CAMKK2: variants seen among roughly 807,000 people sequenced by gnomAD.
CAMKK2 encodes calcium/calmodulin dependent protein kinase kinase 2.
In CAMKK2, 30 loss-of-function variants were observed where a neutral mutation model predicts 67.2. The observed-to-expected ratio is 0.45, with a 90% CI of 0.33 to 0.61. The LOEUF (loss-of-function observed/expected upper bound fraction) is 0.61. CAMKK2 is among the 20% of genes least tolerant of loss of function. The pLI, the probability that CAMKK2 is intolerant of heterozygous loss-of-function variation, is 0.02. For synonymous variants in CAMKK2, 322 were observed against 326.2 expected (o/e 0.99, Z 0.14); for missense variants, 643 against 802.0 (o/e 0.80, Z 2.39).
chr12:121,249,059 T>C (rs972612280), intron 13 of CAMKK2, among the ~76,000 whole-genome samples: 1 of 152,238 alleles, frequency 6.6e-6, no homozygotes, highest in African/African-American at 2.4e-5. Context: ...CCACAATCCC[T>C]GACACCTGGG....
intron 1 of CAMKK2, among the ~76,000 whole-genome samples, chr12:121,291,351 C>T (rs1899984756): frequency 6.6e-6 from 1 of 152,170 alleles, no homozygotes; most frequent in South Asian, 2.1e-4. Context: ...CTTAAGACGC[C>T]TTTATGGTGG....
chr12:121,275,679 T>A (rs975214633), intron 1 of CAMKK2, among the ~76,000 whole-genome samples: 1 of 151,884 alleles, frequency 6.6e-6, no homozygotes, highest in Admixed American at 6.6e-5. Context: ...TGCCTAGGAC[T>A]ATGGGGGTGG....
intron 5 of CAMKK2, among the ~76,000 whole-genome samples, chr12:121,267,402 G>A (rs1288272210): frequency 7.3e-5 from 11 of 151,640 alleles, no homozygotes; most frequent in East Asian, 1.9e-4. Flanking sequence ...ATGAGCCACC[G>A]TGCCCTGCTA....
chr12:121,275,598 T>C lies in CAMKK2; in HGVS notation c.-59-1013A>G, dbSNP rs572776451. ...AGGAAGCCAGTCACAAAAGGTCACA[T>C]ATATATGATTCTATTTATATGAAAT... On this transcript the variant is annotated intron_variant, in intron 1 of 16. Coordinates refer to ENST00000404169, the MANE Select transcript of CAMKK2 (RefSeq NM_001270485.2). 2.7e-5 allele frequency among the ~76,000 whole-genome samples: 4 copies of C among 150,868 alleles called. No homozygotes were observed. The South Asian group carries it at 8.4e-4, about 32-fold the overall frequency.
Position 121,274,105 on chromosome 12 carries a change from G to A in CAMKK2, c.422C>T (p.Pro141Leu), listed in dbSNP as rs770406690. 8.4e-6 allele frequency: 13 copies of A among 1,538,992 alleles called. No individual in the cohort carries two copies. Among genetic ancestry groups the A allele is most frequent in the African/African-American group, 2.7e-5 (2 of 72,886 alleles). The stretch of plus-strand genomic sequence containing the variant: ...GTGAGACTCCACTGTCGGCCGCCGG[G>A]GCAGCCGAGGCGAGGACTGCGGGGA... Reference protein sequence around the residue: ...VSSPQSSPRLPRRPTVESHHV... With the variant: ...VSSPQSSPRLLRRPTVESHHV... Residue 141 changes from proline (P) to leucine (L), a missense_variant, in exon 2 of 17, where the codon CCC becomes CTC. Coordinates refer to ENST00000404169, the MANE Select transcript of CAMKK2 (RefSeq NM_001270485.2).
chr12:121,249,878 G>T lies in CAMKK2; in HGVS notation c.1236-4C>A, dbSNP rs763341477. 6.2e-7 allele frequency: 1 copy of T among 1,613,954 alleles called. No individual in the cohort carries two copies. Among genetic ancestry groups the T allele is most frequent in the Non-Finnish European group, 8.5e-7 (1 of 1,179,790 alleles). On this transcript the variant is annotated splice_region_variant and splice_polypyrimidine_tract_variant and intron_variant, in intron 12 of 16. Transcript: ENST00000404169. ...CAAGTCCTCAGCTATGTCGGGCCTG[G>T]GGATGGAGAGGCGTCAGGGTGGCAG...
chr12:121,240,854 T>G lies in CAMKK2; in HGVS notation c.1612A>C (p.Arg538=). The G allele has an allele frequency of 4.3e-6, 7 of 1,612,524 alleles. No individual in the cohort carries two copies. Among genetic ancestry groups the G allele is most frequent in the Non-Finnish European group, 5.9e-6 (7 of 1,179,930 alleles). ...GCGGGTCGGTGCCCTGGAGGTTGTC[T>G]TCGCTGCCTTGCTTCCTGCTCACCG... ...LSELKEARQR[R]QPPGHRPAPR... The change falls in exon 17 of 17, where the codon AGA becomes CGA. Residue 538 remains arginine, a synonymous_variant. Coordinates refer to ENST00000404169, the MANE Select transcript of CAMKK2 (RefSeq NM_001270485.2). The surrounding 1 kb of genome is among the most constrained non-coding windows in gnomAD (Gnocchi z 4.4).
intron 5 of CAMKK2, among the ~76,000 whole-genome samples, chr12:121,265,602 C>T (rs567788960): frequency 6.6e-6 from 1 of 152,260 alleles, no homozygotes; most frequent in African/African-American, 2.4e-5. Context: ...GGCGCAGTGG[C>T]TCAGGCCTGT....
rs142249805 is a variant in CAMKK2 at position 121,266,560 on chromosome 12, G to A, written c.625+2078C>T. ...CGCCTAGGCTGGAGTGCAGTGGCGCGATCTCGGCTCAGTGTAACCTCTGCT... is the reference window on the plus strand; with the variant it reads ...CGCCTAGGCTGGAGTGCAGTGGCGCAATCTCGGCTCAGTGTAACCTCTGCT... On this transcript the variant is annotated intron_variant, in intron 5 of 16. Coordinates refer to ENST00000404169, the MANE Select transcript of CAMKK2 (RefSeq NM_001270485.2). 5.0e-3 allele frequency among the ~76,000 whole-genome samples: 752 copies of A among 150,200 alleles called. 28 individuals carry two copies. The East Asian group carries it at 0.07, about 14-fold the overall frequency.
At chr12:121,268,725 TC>T (rs2136381254) in intron 4 of CAMKK2, 36 bp from the exon 5 acceptor site, 1 of 1,605,546 alleles carries the variant, frequency 6.2e-7, no homozygotes, top group East Asian at 2.2e-5. Context: ...TTTAGCCAGG[TC>T]CTGTTTAAAG....
rs200086514 is a variant in CAMKK2 at position 121,240,208 on chromosome 12, C to G, written c.*491G>C. On this transcript the variant is annotated 3_prime_UTR_variant, in exon 17 of 17. Coordinates refer to ENST00000404169, the MANE Select transcript of CAMKK2 (RefSeq NM_001270485.2). The surrounding 1 kb of genome is among the most constrained non-coding windows in gnomAD (Gnocchi z 4.4). ...GCCCTGCTCTGACTCCTTGAGACCA[C>G]GGCTCTGGAAGGTGCCATGGTTTCC... is the stretch of plus-strand genomic sequence containing the variant. The G allele has an allele frequency of 3.5e-6, 2 of 568,844 alleles. No individual in the cohort carries two copies. Among genetic ancestry groups the G allele is most frequent in the East Asian group, 3.0e-5 (1 of 33,758 alleles). 35.2% of individuals were successfully genotyped at this position (568,844 alleles called of 1,614,324 possible).
chr12:121,288,306 G>GA (rs1566141928), intron 1 of CAMKK2, among the ~76,000 whole-genome samples: 1 of 152,166 alleles, frequency 6.6e-6, no homozygotes, highest in South Asian at 2.1e-4. Flanking sequence ...ATCGGTGCCT[G>GA]GGCTACCCAC....
rs2136708259 is a variant in CAMKK2 at position 121,296,657 on chromosome 12, C to T, written c.-79G>A. The T allele has an allele frequency of 6.6e-6, 1 of 151,064 alleles. No homozygotes were observed. Among genetic ancestry groups the T allele is most frequent in the South Asian group, 2.1e-4 (1 of 4,830 alleles). The allele number at this position is 151,064 out of a possible 1,614,324, so 9.4% of individuals were successfully genotyped here. ...GCTCACCTGGGCTCCGCGCCGCCGC[C>T]GCCTCCCGCGCTCTGCGCCCCCAGC... On this transcript the variant is annotated 5_prime_UTR_variant, in exon 1 of 17. Coordinates refer to ENST00000404169, the MANE Select transcript of CAMKK2 (RefSeq NM_001270485.2). The surrounding 1 kb of genome is among the most constrained non-coding windows in gnomAD (Gnocchi z 7.1).
intron 11 of CAMKK2, among the ~76,000 whole-genome samples, chr12:121,251,517 A>C: frequency 6.6e-6 from 1 of 152,140 alleles, no homozygotes; most frequent in East Asian, 1.9e-4. Context: ...AATCAAACTG[A>C]ACTTCAGAGT....
chr12:121,293,317 T>C (rs1428798188), intron 1 of CAMKK2, among the ~76,000 whole-genome samples: 2 of 151,924 alleles, frequency 1.3e-5, no homozygotes, highest in Non-Finnish European at 2.9e-5. Context: ...ATAAGCAATA[T>C]AAGACCCTCT....
At position 121,285,616 on chromosome 12, in the gene CAMKK2, C is replaced by A. The variant is rs1898585620; in HGVS notation, c.-60+11022G>T. ...TTGAGCCCAGGAGTTTGAGACCAGCCTGGGCAACATGGCGAGACCTCATCG... is the reference window on the plus strand; with the variant it reads ...TTGAGCCCAGGAGTTTGAGACCAGCATGGGCAACATGGCGAGACCTCATCG... On this transcript the variant is annotated intron_variant, in intron 1 of 16. Transcript: ENST00000404169. This position sits in a 1 kb window ranked among gnomAD's most constrained non-coding sequence, Gnocchi z 4.1. Among the ~76,000 whole-genome samples the A allele has an allele frequency of 6.6e-6, 1 of 152,010 alleles. No homozygotes were observed. Among genetic ancestry groups the A allele is most frequent in the Non-Finnish European group, 1.5e-5 (1 of 68,006 alleles).
At chr12:121,269,314 C>T (rs1895256396) in intron 4 of CAMKK2, among the ~76,000 whole-genome samples, 1 of 152,192 alleles carries the variant, frequency 6.6e-6, no homozygotes, top group Non-Finnish European at 1.5e-5. Flanking sequence ...AAGCCTTTTG[C>T]TGAATGAGTA....
In CAMKK2 at chr12:121,250,250, C is replaced by A. The variant is rs546628988; in HGVS notation, c.1162-216G>T. The stretch of plus-strand genomic sequence containing the variant: ...AGGGCAGAGCCAGGAATGGCCCTCT[C>A]GAAGGGCTAGAGCCTTTCCCAAGCA... On this transcript the variant is annotated intron_variant, in intron 11 of 16. Transcript: ENST00000404169. Among the ~76,000 whole-genome samples, 21 of 152,214 alleles carry A rather than the reference C, an allele frequency of 1.4e-4. No homozygotes were observed. In the South Asian group the frequency reaches 4.3e-3, roughly 32 times the overall value.
At chr12:121,254,683 A>G (rs975643490) in intron 9 of CAMKK2, among the ~76,000 whole-genome samples, 2 of 152,324 alleles carry the variant, frequency 1.3e-5, no homozygotes, top group South Asian at 2.1e-4. Context: ...TGGTGCACAT[A>G]GAAAGTGCTA....
Sources: gnomAD v4.1 joint callset for allele counts (sites outside exome capture counted in the v4.1 genomes callset) on GRCh38, gnomAD v4.1.1 for gene constraint, Gnocchi (gnomAD v3.1) non-coding constraint, MANE v1.5 for transcripts, NCBI Gene and HGNC (gene_info 2026-07-23, HGNC 2026-07-21) for gene names.